UGT1A7: variants seen among roughly 807,000 people sequenced by gnomAD.
UGT1A7 encodes the protein UDP glucuronosyltransferase family 1 member A7.
A neutral mutation model predicts 45.6 loss-of-function variants in UGT1A7; 33 were observed. That is an observed-to-expected ratio of 0.72 (90% confidence interval 0.55 to 0.97). The LOEUF (loss-of-function observed/expected upper bound fraction) is 0.97. Ranked by LOEUF, UGT1A7 falls within the 50% of genes least tolerant of loss-of-function variation. UGT1A7 has a pLI of 0.00. For missense variants in UGT1A7, 684 were observed against 666.2 expected, an observed-to-expected ratio of 1.03 and a Z score of -0.29; for synonymous variants, 274 against 250.6, an observed-to-expected ratio of 1.09 and a Z score of -0.88.
Position 233,697,037 on chromosome 2 carries a change from CT to C in UGT1A7, c.855+14254del, listed in dbSNP as rs533697413. Among the ~76,000 whole-genome samples, 153 of 150,928 alleles carry C rather than the reference CT, an allele frequency of 1.0e-3. 1 individual carries two copies. The Middle Eastern group carries it at 0.034, about 34-fold the overall frequency. On this transcript the variant is annotated intron_variant, in intron 1 of 4. Transcript: ENST00000373426. ...GTCAGAGATATGGGCCCGCAGTTTTCTTTTTTTTTGTTGTGTCCTTGTCTGG... is the reference window on the plus strand; with the variant it reads ...GTCAGAGATATGGGCCCGCAGTTTTCTTTTTTTTGTTGTGTCCTTGTCTGG...
In UGT1A7 at chr2:233,733,917, G is replaced by T. The variant is rs753783737; in HGVS notation, c.856-33117G>T. On this transcript the variant is annotated intron_variant, in intron 1 of 4. Coordinates refer to ENST00000373426, the MANE Select transcript of UGT1A7 (RefSeq NM_019077.3). ...GTTTGTACCTCTCTGGTAGAATTCG[G>T]CTGTGAGGAAGGGGAACATCACATA... Among the ~76,000 whole-genome samples the T allele has an allele frequency of 9.2e-5, 14 of 152,092 alleles. No homozygotes were observed. The East Asian group carries it at 9.7e-4, about 11-fold the overall frequency.
At chr2:233,725,020 A>T (rs1183477973) in intron 1 of UGT1A7, among the ~76,000 whole-genome samples, 2 of 147,776 alleles carry the variant, frequency 1.4e-5, no homozygotes. Flanking sequence ...AAACAGCAAA[A>T]CCCGGTCTCC....
At chr2:233,696,554 T>C (rs2075349375) in intron 1 of UGT1A7, among the ~76,000 whole-genome samples, 1 of 152,236 alleles carries the variant, frequency 6.6e-6, no homozygotes, top group African/African-American at 2.4e-5. Context: ...GAATATATTA[T>C]GTCATCTGAG....
chr2:233,696,498 G>A (rs1420763959), intron 1 of UGT1A7, among the ~76,000 whole-genome samples: 3 of 152,050 alleles, frequency 2.0e-5, no homozygotes, highest in Non-Finnish European at 4.4e-5. Context: ...TACCGAATTT[G>A]CTTGTCAGTT....
intron 1 of UGT1A7, among the ~76,000 whole-genome samples, chr2:233,698,975 G>A (rs527808539): frequency 6.6e-6 from 1 of 152,336 alleles, no homozygotes; most frequent in African/African-American, 2.4e-5. Context: ...AAGCCCTTTG[G>A]CCACCCAGGT....
chr2:233,753,193 A>G (rs1695148860), intron 1 of UGT1A7: 1 of 152,208 alleles, frequency 6.6e-6, no homozygotes, highest in Admixed American at 6.5e-5. Context: ...ATTTTTCAAA[A>G]GCCCTGACAG....
chr2:233,695,818 A>G (rs1184155608), intron 1 of UGT1A7, among the ~76,000 whole-genome samples: 1 of 152,200 alleles, frequency 6.6e-6, no homozygotes, highest in Non-Finnish European at 1.5e-5. Context: ...GGAAAACAAA[A>G]CCAACAAAAA....
chr2:233,707,975 C>T (rs2075997873), intron 1 of UGT1A7, among the ~76,000 whole-genome samples: 1 of 152,082 alleles, frequency 6.6e-6, no homozygotes, highest in Admixed American at 6.5e-5. Flanking sequence ...AGTCTATTGC[C>T]CACTGGGTTG....
At chr2:233,726,667 G>C (rs150592409) in intron 1 of UGT1A7, among the ~76,000 whole-genome samples, 1 of 152,128 alleles carries the variant, frequency 6.6e-6, no homozygotes, top group Non-Finnish European at 1.5e-5. Flanking sequence ...AATCATATCT[G>C]TGAAGTCTCT....
rs1204267098 is a variant in UGT1A7 at position 233,693,294 on chromosome 2, A to G, written c.855+10502A>G. The stretch of plus-strand genomic sequence containing the variant: ...AACCGTTACCAATCATTTGGAAACA[A>G]TCACTTTGCTGAGCGATCATTCCTA... On this transcript the variant is annotated intron_variant, in intron 1 of 4. Transcript: ENST00000373426. The G allele has an allele frequency of 5.0e-6, 8 of 1,614,086 alleles. No individual in the cohort carries two copies. In the Middle Eastern group the frequency reaches 6.6e-4, roughly 133 times the overall value.
At chr2:233,690,891 T>C in intron 1 of UGT1A7, 1 of 1,056,342 alleles carries the variant, frequency 9.5e-7, no homozygotes, top group Non-Finnish European at 1.1e-6. Context: ...ATTCAAGGGA[T>C]GGTATGCATA....
chr2:233,682,702 T>A lies in UGT1A7; in HGVS notation c.765T>A (p.Thr255=), dbSNP rs1454428340. The change falls in exon 1 of 5, where the codon ACT becomes ACA. Residue 255 remains threonine (T), a synonymous_variant. Transcript: ENST00000373426. ...ACACATCAATTTGGTTGTTGCGAAC[T>A]GACTTTGTTTTGGAGTATCCCAAAC... ...YSHTSIWLLR[T]DFVLEYPKPV... is the part of the protein sequence containing the mutation. The A allele has an allele frequency of 6.2e-7, 1 of 1,613,904 alleles. No individual in the cohort carries two copies. The highest frequency in any genetic ancestry group is 1.7e-5 in the Admixed American group (1 of 60,012).
At chr2:233,768,767 A>G (rs1699720630) in intron 4 of UGT1A7, among the ~76,000 whole-genome samples, 1 of 151,722 alleles carries the variant, frequency 6.6e-6, no homozygotes, top group South Asian at 2.1e-4. Context: ...ATTTTTTAGT[A>G]GAGAAAGGGT....
intron 1 of UGT1A7, among the ~76,000 whole-genome samples, chr2:233,705,526 C>T (rs1004849017): frequency 6.6e-6 from 1 of 152,084 alleles, no homozygotes; most frequent in Admixed American, 6.6e-5. Context: ...GGGAGATTAC[C>T]TTCAGCTGTG....
Position 233,700,889 on chromosome 2 carries a change from C to G in UGT1A7, c.855+18097C>G, listed in dbSNP as rs540334634. Among the ~76,000 whole-genome samples, 10 of 151,694 alleles carry G rather than the reference C, an allele frequency of 6.6e-5. No individual in the cohort carries two copies. In the South Asian group the frequency reaches 2.1e-3, roughly 32 times the overall value. On this transcript the variant is annotated intron_variant, in intron 1 of 4. Coordinates refer to ENST00000373426, the MANE Select transcript of UGT1A7 (RefSeq NM_019077.3). Reference sequence around the variant, plus strand: ...CCTCCCTCCTCCCCCCACCCCACAACAGTCCCCGGTGTGTGACGTTCCTCT... The same window carrying G: ...CCTCCCTCCTCCCCCCACCCCACAAGAGTCCCCGGTGTGTGACGTTCCTCT...
Position 233,738,328 on chromosome 2 carries a change from T to C in UGT1A7, c.856-28706T>C, listed in dbSNP as rs1690764022. 1.3e-5 allele frequency among the ~76,000 whole-genome samples: 2 copies of C among 152,220 alleles called. 1 individual carries two copies. Among genetic ancestry groups the C allele is most frequent in the South Asian group, 4.1e-4 (2 of 4,828 alleles). On this transcript the variant is annotated intron_variant, in intron 1 of 4. Coordinates refer to ENST00000373426, the MANE Select transcript of UGT1A7 (RefSeq NM_019077.3). ...TTATAGCAGTGTGTGAATGGACTAA[T>C]ACAGTAAATTGGTGTCATGGAGAGT...
intron 1 of UGT1A7, chr2:233,730,084 A>T: frequency 6.2e-7 from 1 of 1,601,106 alleles, no homozygotes. Flanking sequence ...ATATTTACTT[A>T]TCTTTCCAAA....
At chr2:233,686,147 A>C (rs1316143320) in intron 1 of UGT1A7, among the ~76,000 whole-genome samples, 1 of 152,190 alleles carries the variant, frequency 6.6e-6, no homozygotes, top group Non-Finnish European at 1.5e-5. Flanking sequence ...AATTAACTTG[A>C]AATGGATCAA....
chr2:233,767,214 T>A (rs1420134896), intron 2 of UGT1A7, 49 bp downstream of exon 2: 25 of 1,612,300 alleles, frequency 1.6e-5, no homozygotes, highest in Non-Finnish European at 2.1e-5. Flanking sequence ...ACAGGAGCGC[T>A]AATCCCAGAC....
Sources: allele counts gnomAD v4.1 joint callset (sites outside exome capture counted in the v4.1 genomes callset), GRCh38; gene constraint gnomAD v4.1.1; transcripts MANE v1.5; gene names NCBI Gene and HGNC (gene_info 2026-07-23, HGNC 2026-07-21).